Variants in KSR2 observed in about 807,000 individuals in gnomAD.
KSR2 encodes the protein kinase suppressor of ras 2.
A neutral mutation model predicts 107.8 loss-of-function variants in KSR2; 25 were observed. The ratio of observed to expected loss-of-function variants is 0.23; its 90% CI spans 0.17 to 0.32. KSR2 has a LOEUF of 0.32. Ranked by LOEUF, KSR2 falls within the 10% of genes least tolerant of loss-of-function variation. The pLI is 1.00. For missense variants in KSR2, 887 were observed against 1,268.9 expected (o/e 0.70, Z 4.57); for synonymous variants, 480 against 507.0 (o/e 0.95, Z 0.71).
At chr12:117,520,752 G>A (rs139439942) in intron 14 of KSR2, among the ~76,000 whole-genome samples, 1 of 152,178 alleles carries the variant, frequency 6.6e-6, no homozygotes, top group East Asian at 1.9e-4. Context: ...GCCCTCCAAC[G>A]GCTGCTCACT....
chr12:117,955,229 C>A (rs1209105212), intron 1 of KSR2, among the ~76,000 whole-genome samples: 2 of 151,822 alleles, frequency 1.3e-5, no homozygotes, highest in Non-Finnish European at 2.9e-5. Flanking sequence ...CTCAAGTGAT[C>A]CTCCCACCTC....
intron 4 of KSR2, among the ~76,000 whole-genome samples, chr12:117,743,536 G>A (rs778516318): frequency 2.6e-5 from 4 of 152,124 alleles, no homozygotes; most frequent in South Asian, 2.1e-4. Context: ...TATGTTCCAC[G>A]CGCACACACC....
chr12:117,579,705 G>T (rs1049705756), intron 6 of KSR2, among the ~76,000 whole-genome samples: 1 of 152,186 alleles, frequency 6.6e-6, no homozygotes, highest in Non-Finnish European at 1.5e-5. Flanking sequence ...ATCACCTGGG[G>T]AGTATCAAAG....
intron 4 of KSR2, among the ~76,000 whole-genome samples, chr12:117,680,226 G>A (rs1354422080): frequency 6.6e-6 from 1 of 152,200 alleles, no homozygotes; most frequent in Non-Finnish European, 1.5e-5. Context: ...GGGTTATGGG[G>A]AGGGAAGTAA....
chr12:117,792,401 C>T (rs980599808), intron 3 of KSR2, among the ~76,000 whole-genome samples: 1 of 152,064 alleles, frequency 6.6e-6, no homozygotes, highest in Non-Finnish European at 1.5e-5. Context: ...TCAGACAGAC[C>T]TGCTTACGCT....
intron 6 of KSR2, among the ~76,000 whole-genome samples, chr12:117,580,805 G>C (rs549874010): frequency 6.6e-6 from 1 of 152,294 alleles, no homozygotes; most frequent in Non-Finnish European, 1.5e-5. Flanking sequence ...GGCTGAGCCA[G>C]GGGCATGGCC....
intron 5 of KSR2, among the ~76,000 whole-genome samples, chr12:117,634,715 A>C (rs1882978603): frequency 6.6e-6 from 1 of 152,186 alleles, no homozygotes; most frequent in Admixed American, 6.5e-5. Flanking sequence ...AGAACTCCAG[A>C]GATGACTGGC....
chr12:117,778,675 T>C (rs1889777177), intron 3 of KSR2, among the ~76,000 whole-genome samples: 1 of 152,138 alleles, frequency 6.6e-6, no homozygotes. Flanking sequence ...GGCTCTCTCA[T>C]GGGCCTCTGA....
intron 7 of KSR2, among the ~76,000 whole-genome samples, chr12:117,568,398 C>T (rs1221380149): frequency 6.6e-6 from 1 of 152,140 alleles, no homozygotes; most frequent in African/African-American, 2.4e-5. Context: ...CTCTGTTCTG[C>T]TTGTTTAGTT....
intron 5 of KSR2, among the ~76,000 whole-genome samples, chr12:117,633,798 G>C (rs145915676): frequency 2.0e-5 from 3 of 152,272 alleles, no homozygotes; most frequent in African/African-American, 7.2e-5. Context: ...GTTCTGCATG[G>C]ATATAAGTTT....
chr12:117,741,367 A>AT (rs570456391), intron 4 of KSR2, among the ~76,000 whole-genome samples: 14,961 of 148,640 alleles, frequency 0.1, 880 homozygotes, highest in Non-Finnish European at 0.13. Context: ...AAAAAAAAAA[A>AT]ATTTAATTAG....
At chr12:117,580,570 T>C (rs961630372) in intron 6 of KSR2, among the ~76,000 whole-genome samples, 2 of 152,186 alleles carry the variant, frequency 1.3e-5, no homozygotes, top group African/African-American at 2.4e-5. Context: ...GGATTTTAAT[T>C]TCATTTCTTC....
At chr12:117,723,423 G>A (rs1887290965) in intron 4 of KSR2, among the ~76,000 whole-genome samples, 1 of 152,078 alleles carries the variant, frequency 6.6e-6, no homozygotes, top group African/African-American at 2.4e-5. Context: ...ACAACCGTAA[G>A]AGGTAGATAT....
At chr12:117,946,440 A>C (rs1320674695) in intron 1 of KSR2, among the ~76,000 whole-genome samples, 4 of 152,212 alleles carry the variant, frequency 2.6e-5, no homozygotes, top group Non-Finnish European at 5.9e-5. Flanking sequence ...ATAATAAAAG[A>C]ATACTGGGGA....
chr12:117,693,011 G>C (rs1312325731), intron 4 of KSR2, among the ~76,000 whole-genome samples: 2 of 152,154 alleles, frequency 1.3e-5, no homozygotes, highest in East Asian at 3.9e-4. Flanking sequence ...TGTACCAAAG[G>C]CCACTGAATT....
At chr12:117,639,931 AG>A (rs1006643117) in intron 5 of KSR2, among the ~76,000 whole-genome samples, 2 of 152,098 alleles carry the variant, frequency 1.3e-5, no homozygotes, top group Admixed American at 6.5e-5. Context: ...TCAACTTAGA[AG>A]CCACTCTGTC....
chr12:117,718,286 T>C lies in KSR2; in HGVS notation c.986+42725A>G, dbSNP rs1054151595. 3.3e-5 allele frequency among the ~76,000 whole-genome samples: 5 copies of C among 151,730 alleles called. No individual in the cohort carries two copies. In the East Asian group the frequency reaches 9.7e-4, roughly 29 times the overall value. ...CTAAAGTTTGGGAATGCAAAGAGGA[T>C]CATAACAAAGGCATTTCCTCTGGAA... On this transcript the variant is annotated intron_variant, in intron 4 of 19. Coordinates refer to ENST00000339824, the MANE Select transcript of KSR2 (RefSeq NM_173598.6).
intron 1 of KSR2, among the ~76,000 whole-genome samples, chr12:117,882,495 TTCCA>T (rs142046863): frequency 6.6e-6 from 1 of 152,006 alleles, no homozygotes; most frequent in Non-Finnish European, 1.5e-5. Context: ...CTAACCATTC[TTCCA>T]TCCATCCATC....
chr12:117,460,466 G>A lies in KSR2; in HGVS notation c.*6733C>T, dbSNP rs1870835294. On this transcript the variant is annotated 3_prime_UTR_variant, in exon 20 of 20. Transcript: ENST00000339824. ...AGGGATACTGGAGGGACCCAGGAGGGACTCTGCCAACCCAGATGTACATTT... is the reference window on the plus strand; with the variant it reads ...AGGGATACTGGAGGGACCCAGGAGGAACTCTGCCAACCCAGATGTACATTT... 6.6e-6 allele frequency: 1 copy of A among 152,216 alleles called. No individual in the cohort carries two copies. Among genetic ancestry groups the A allele is most frequent in the African/African-American group, 2.4e-5 (1 of 41,436 alleles). The allele number at this position is 152,216 out of a possible 1,614,324, so 9.4% of individuals were successfully genotyped here.
Sources: gnomAD v4.1 joint callset for allele counts (sites outside exome capture counted in the v4.1 genomes callset) on GRCh38, gnomAD v4.1.1 for gene constraint, MANE v1.5 for transcripts, NCBI Gene and HGNC (gene_info 2026-07-23, HGNC 2026-07-21) for gene names.